The following ULK1 variants were observed in gnomAD, a reference collection of about 807,000 sequenced individuals.
The protein encoded by ULK1 is unc-51 like autophagy activating kinase 1, also known as serine/threonine-protein kinase ULK1.
ULK1 carries 48 observed loss-of-function variants against 117.5 expected under a neutral mutation model. That is an observed-to-expected ratio of 0.41 (90% CI 0.32 to 0.52). ULK1 has a LOEUF of 0.52. Among genes scored for constraint, ULK1 ranks in the 20% least tolerant of loss-of-function variants. The pLI, the probability that ULK1 is intolerant of heterozygous loss-of-function variation, is 0.29. For synonymous variants in ULK1, 790 were observed against 637.8 expected, an observed-to-expected ratio of 1.24 and a Z score of -3.60; for missense variants, 1,387 against 1,473.4, an observed-to-expected ratio of 0.94 and a Z score of 0.96.
chr12:131,919,165 T>G (rs766040089), intron 23 of ULK1, 47 bp from the exon 24 acceptor site: 37 of 1,550,856 alleles, frequency 2.4e-5, no homozygotes, highest in Non-Finnish European at 3.1e-5. Context: ...GACAAGCCCC[T>G]TCCAAGCCCG....
At position 131,895,033 on chromosome 12, in the gene ULK1, TG is replaced by T; in HGVS notation, c.35del (p.Gly12AlafsTer10). 6.4e-7 allele frequency: 1 copy of T among 1,552,494 alleles called. No individual in the cohort carries two copies. The part of the protein sequence containing the change: MEPGRGGTET[V>X]GKFEFSRKDL... ...CCCGGCCGCGGCGGCACAGAGACCG[TG>T]GGCAAGTTCGAGTTCTCCCGCAAGG... On this transcript the variant is annotated frameshift_variant, in exon 1 of 28. Transcript: ENST00000321867. LOFTEE classifies it high-confidence loss of function.
In ULK1 at chr12:131,912,116, T is replaced by G. The variant is rs779819133; in HGVS notation, c.1096+27T>G. On this transcript the variant is annotated intron_variant, in intron 13 of 27. Coordinates refer to ENST00000321867, the MANE Select transcript of ULK1 (RefSeq NM_003565.4). ...TCAGGGGGCACGCTGGGCTTGGAGGTGACGCCTCAGGTGCGGCGGGGACAG... is the reference window on the plus strand; with the variant it reads ...TCAGGGGGCACGCTGGGCTTGGAGGGGACGCCTCAGGTGCGGCGGGGACAG... The G allele has an allele frequency of 1.3e-5, 21 of 1,603,574 alleles. No individual in the cohort carries two copies. The Admixed American group carries it at 3.6e-4, about 27-fold the overall frequency.
Position 131,917,442 on chromosome 12 carries a change from C to A in ULK1, c.2214C>A (p.His738Gln), listed in dbSNP as rs1483802570. 6.5e-7 allele frequency: 1 copy of A among 1,541,374 alleles called. No individual in the cohort carries two copies. Among genetic ancestry groups the A allele is most frequent in the Non-Finnish European group, 8.7e-7 (1 of 1,144,220 alleles). The change falls in exon 22 of 28, where the codon CAC becomes CAA. Residue 738 changes from histidine (H) to glutamine (Q), a missense_variant. His to Gln is a conservative substitution (Grantham distance 24). Around this residue, in one of 4 missense-constraint regions of ULK1, gnomAD observed 900 missense variants for 858.9 expected, o/e 1.05. Coordinates refer to ENST00000321867, the MANE Select transcript of ULK1 (RefSeq NM_003565.4). ...APSAGFGGSLHPGARAGGTSS... is the reference protein window; with the variant it reads ...APSAGFGGSLQPGARAGGTSS... ...CAGCTGGCTTTGGAGGGAGCCTGCA[C>A]CCAGGAGCCCGTGCTGGGGGCACCA...
At chr12:131,905,570 G>A (rs1246252615) in intron 3 of ULK1, among the ~76,000 whole-genome samples, 1 of 152,188 alleles carries the variant, frequency 6.6e-6, no homozygotes, top group African/African-American at 2.4e-5. Flanking sequence ...TGTGTACAGG[G>A]CAGAGGGAGG....
At chr12:131,913,118 C>A in intron 13 of ULK1, 80 bp from the exon 14 acceptor site, 1 of 1,380,848 alleles carries the variant, frequency 7.2e-7, no homozygotes, top group Non-Finnish European at 9.6e-7. Context: ...GCGTGGGGAT[C>A]CAGCAGAGAG....
chr12:131,914,842 C>T (rs1207612115), intron 16 of ULK1, among the ~76,000 whole-genome samples: 1 of 152,124 alleles, frequency 6.6e-6, no homozygotes, highest in African/African-American at 2.4e-5. Context: ...TGGGTTGGCA[C>T]CCCGGGCAGG....
At position 131,916,005 on chromosome 12, in the gene ULK1, C is replaced by T. The variant is rs528545206; in HGVS notation, c.1724C>T (p.Thr575Met). ...VVRPKLPKPP[T>M]DPLGAVFSPP... Reference sequence around the variant, plus strand: ...CGCCCCAAGCTGCCCAAACCCCCCACGGACCCCCTGGGAGCTGTGTTCAGC... The same window carrying T: ...CGCCCCAAGCTGCCCAAACCCCCCATGGACCCCCTGGGAGCTGTGTTCAGC... The change falls in exon 19 of 28, where the codon ACG (threonine) becomes ATG (methionine). Residue 575 changes from threonine to methionine, a missense_variant. By Grantham distance (81) the Thr-to-Met change is moderately conservative. Coordinates refer to ENST00000321867, the MANE Select transcript of ULK1 (RefSeq NM_003565.4). The T allele has an allele frequency of 3.8e-5, 62 of 1,612,262 alleles. No individual in the cohort carries two copies. Among genetic ancestry groups the T allele is most frequent in the Middle Eastern group, 1.6e-4 (1 of 6,062 alleles).
intron 20 of ULK1, 77 bp from the exon 21 acceptor site, chr12:131,916,876 C>T (rs1889813065): frequency 3.7e-6 from 5 of 1,337,322 alleles, no homozygotes; most frequent in Non-Finnish European, 5.1e-6. Context: ...GTGTGTCTGG[C>T]CTGCAGAGGG....
intron 22 of ULK1, 106 bp from the exon 23 acceptor site, chr12:131,918,391 A>T (rs1233144074): frequency 2.9e-6 from 4 of 1,362,336 alleles, no homozygotes; most frequent in South Asian, 2.7e-5. Flanking sequence ...GTGTAAACCG[A>T]GGCAGAGGCA....
rs1593278872 is a variant in ULK1 at position 131,921,016 on chromosome 12, G to T, written c.2962-84G>T. 31 of 1,470,308 alleles carry T rather than the reference G, an allele frequency of 2.1e-5. 1 individual carries two copies. In the East Asian group the frequency reaches 7.7e-4, roughly 37 times the overall value. 91.1% of individuals were successfully genotyped at this position (1,470,308 alleles called of 1,614,324 possible). ...CCTGAGCGCCTATCTGCCACCCCTGGGCCGCTGCCGTGGGTGCAGGGCAGC... is the reference window on the plus strand; with the variant it reads ...CCTGAGCGCCTATCTGCCACCCCTGTGCCGCTGCCGTGGGTGCAGGGCAGC... On this transcript the variant is annotated intron_variant, in intron 26 of 27. Transcript: ENST00000321867.
At chr12:131,916,893 C>CG in intron 20 of ULK1, 60 bp from the exon 21 acceptor site, 1 of 1,400,482 alleles carries the variant, frequency 7.1e-7, no homozygotes, top group Non-Finnish European at 9.8e-7. Context: ...AGGGACCTCT[C>CG]GAGGTCCAGT....
At chr12:131,907,939 C>T (rs1247914519) in intron 5 of ULK1, among the ~76,000 whole-genome samples, 4 of 147,770 alleles carry the variant, frequency 2.7e-5, no homozygotes, top group East Asian at 2.1e-4. Context: ...GGGGGGCGGC[C>T]GCGCCCGTCT....
intron 23 of ULK1, 33 bp downstream of exon 23, chr12:131,918,714 T>G: frequency 4.6e-6 from 5 of 1,098,384 alleles, no homozygotes; most frequent in East Asian, 1.1e-4. Flanking sequence ...GTTCCCATTC[T>G]GGCTGGAGGG....
Position 131,916,532 on chromosome 12 carries a change from TGGTCAGCCGTTGGGCCCTGGCCTGC to T in ULK1, c.2016_2040del (p.Pro674AlafsTer142). Reference sequence around the variant, plus strand: ...ACCTCTCGGAGGTGGGACCCTTCCATGGTCAGCCGTTGGGCCCTGGCCTGCGGCCAGGCGAGGACCCCAAGGGCCC... The same window carrying T: ...ACCTCTCGGAGGTGGGACCCTTCCATGGCCAGGCGAGGACCCCAAGGGCCC... On this transcript the variant is annotated frameshift_variant, in exon 20 of 28. Coordinates refer to ENST00000321867, the MANE Select transcript of ULK1 (RefSeq NM_003565.4). LOFTEE classifies it high-confidence loss of function. 1 of 1,610,484 alleles carries T rather than the reference TGGTCAGCCGTTGGGCCCTGGCCTGC, an allele frequency of 6.2e-7. No individual in the cohort carries two copies. The highest frequency in any genetic ancestry group is 8.5e-7 in the Non-Finnish European group (1 of 1,179,582).
intron 13 of ULK1, 148 bp from the exon 14 acceptor site, chr12:131,913,050 C>G (rs1271850576): frequency 4.5e-6 from 3 of 673,506 alleles, no homozygotes; most frequent in Non-Finnish European, 6.9e-6. Flanking sequence ...CTGTACCACC[C>G]AGGCTCTGCC....
chr12:131,916,246 G>T, intron 19 of ULK1, 87 bp downstream of exon 19: 1 of 1,548,278 alleles, frequency 6.5e-7, no homozygotes, highest in Non-Finnish European at 8.7e-7. Flanking sequence ...ACCGAGGAAG[G>T]CAGCTCTGTA....
chr12:131,917,448 A>T lies in ULK1; in HGVS notation c.2220A>T (p.Gly740=). 1 of 1,540,740 alleles carries T rather than the reference A, an allele frequency of 6.5e-7. No individual in the cohort carries two copies. Among genetic ancestry groups the T allele is most frequent in the South Asian group, 1.2e-5 (1 of 82,876 alleles). Residue 740 remains glycine, a synonymous_variant, in exon 22 of 28, where the codon GGA becomes GGT. Transcript: ENST00000321867. ...SAGFGGSLHP[G]ARAGGTSSPS... is the part of the protein sequence containing the mutation. ...GCTTTGGAGGGAGCCTGCACCCAGG[A>T]GCCCGTGCTGGGGGCACCAGCAGCC... is the stretch of plus-strand genomic sequence containing the variant.
Position 131,917,504 on chromosome 12 carries a change from C to A in ULK1, c.2276C>A (p.Pro759His). ...PSPVVFTVGS[P>H]PSGSTPPQGP... is the part of the protein sequence containing the mutation. The stretch of plus-strand genomic sequence containing the variant: ...CCGGTGGTCTTCACCGTGGGCTCTC[C>A]CCCGAGCGGGAGCACGCCCCCCCAG... Residue 759 changes from proline to histidine, a missense_variant, in exon 22 of 28, where the codon CCC becomes CAC. By Grantham distance (77) the Pro-to-His change is moderately conservative. Coordinates refer to ENST00000321867, the MANE Select transcript of ULK1 (RefSeq NM_003565.4). The A allele has an allele frequency of 6.8e-7, 1 of 1,478,556 alleles. No homozygotes were observed. Among genetic ancestry groups the A allele is most frequent in the African/African-American group, 1.4e-5 (1 of 69,020 alleles). The allele number at this position is 1,478,556 out of a possible 1,614,324, so 91.6% of individuals were successfully genotyped here. A position where few individuals can be genotyped will look rare whatever the true frequency, so the allele number is the denominator to read the frequency against.
chr12:131,895,051 C>G lies in ULK1; in HGVS notation c.50C>G (p.Ser17Cys). Residue 17 changes from serine to cysteine, a missense_variant, in exon 1 of 28, where the codon TCC (serine) becomes TGC (cysteine). By Grantham distance (112) the Ser-to-Cys change is moderately radical. This residue lies in a region of ULK1 where 224 missense variants were observed against 325.2 expected (regional missense o/e 0.69). Transcript: ENST00000321867. ...GAGACCGTGGGCAAGTTCGAGTTCT[C>G]CCGCAAGGACCTGATCGGCCACGGC... The part of the protein sequence containing the change: ...GTETVGKFEF[S>C]RKDLIGHGAF... 1 of 1,581,636 alleles carries G rather than the reference C, an allele frequency of 6.3e-7. No homozygotes were observed.
Sources: allele counts gnomAD v4.1 joint callset (sites outside exome capture counted in the v4.1 genomes callset), GRCh38; gene constraint gnomAD v4.1.1; regional missense constraint gnomAD v4.1.1; transcripts MANE v1.5; gene names NCBI Gene and HGNC (gene_info 2026-07-23, HGNC 2026-07-21).